PPP6C: variants seen among roughly 807,000 people sequenced by gnomAD.
PPP6C encodes serine/threonine-protein phosphatase 6 catalytic subunit.
Under a neutral mutation model 39.8 loss-of-function variants are expected in PPP6C, and 11 were observed. The observed-to-expected ratio is 0.28, with a 90% CI of 0.17 to 0.46. The LOEUF is 0.46. Among genes scored for constraint, PPP6C ranks in the 20% least tolerant of loss-of-function variants. The probability of loss-of-function intolerance (pLI) is 1.00; values close to 1 mark genes in which losing one functional copy is unlikely to be tolerated. For missense variants in PPP6C, 211 were observed against 373.9 expected (o/e 0.56, Z 3.59); for synonymous variants, 129 against 130.3 (o/e 0.99, Z 0.07).
chr9:125,179,875 C>G (rs1203024896), intron 1 of PPP6C, among the ~76,000 whole-genome samples: 3 of 151,996 alleles, frequency 2.0e-5, no homozygotes, highest in Non-Finnish European at 2.9e-5. Context: ...AGGCTGGTCT[C>G]GAGCTCCTGA....
intron 6 of PPP6C, 119 bp downstream of exon 6, chr9:125,153,414 T>C (rs1397542116): frequency 1.1e-6 from 1 of 912,472 alleles, no homozygotes; most frequent in Non-Finnish European, 1.7e-6. Context: ...AAATTTAATA[T>C]CCACAGCCAC....
intron 2 of PPP6C, among the ~76,000 whole-genome samples, chr9:125,167,039 T>TA (rs1330665422): frequency 6.6e-6 from 1 of 152,048 alleles, no homozygotes; most frequent in African/African-American, 2.4e-5. Flanking sequence ...AGCTAGGACT[T>TA]ACAGACTCAC....
At chr9:125,188,507 C>T in intron 1 of PPP6C, among the ~76,000 whole-genome samples, 1 of 150,314 alleles carries the variant, frequency 6.7e-6, no homozygotes, top group East Asian at 2.0e-4. Context: ...TATACCTAGG[C>T]CGGCGCGGTG....
chr9:125,171,478 CATATATATAT>C (rs59002869), intron 1 of PPP6C, among the ~76,000 whole-genome samples: 1,332 of 83,512 alleles, frequency 0.016, 23 homozygotes, highest in African/African-American at 0.052. Flanking sequence ...CACACACACA[CATATATATAT>C]ATATATATAT....
chr9:125,170,299 C>T (rs573324043), intron 2 of PPP6C, among the ~76,000 whole-genome samples: 5 of 150,680 alleles, frequency 3.3e-5, no homozygotes, highest in East Asian at 3.9e-4. Flanking sequence ...TGCAGTGGTG[C>T]GGTCTCGGCT....
intron 4 of PPP6C, 62 bp from the exon 5 acceptor site, chr9:125,154,047 C>A: frequency 8.0e-7 from 1 of 1,250,374 alleles, no homozygotes; most frequent in Non-Finnish European, 1.2e-6. Flanking sequence ...ACAATATATC[C>A]AATACTAGAG....
intron 2 of PPP6C, among the ~76,000 whole-genome samples, chr9:125,166,212 T>C (rs1356225643): frequency 1.3e-5 from 2 of 152,214 alleles, no homozygotes; most frequent in Non-Finnish European, 2.9e-5. Flanking sequence ...CAAAAAACCA[T>C]ATTTGTTAAT....
At chr9:125,175,572 G>A (rs1049198037) in intron 1 of PPP6C, among the ~76,000 whole-genome samples, 4 of 150,954 alleles carry the variant, frequency 2.6e-5, no homozygotes, top group Admixed American at 6.6e-5. Context: ...GAACCCGGGA[G>A]GCGGAGCTTG....
chr9:125,150,556 A>T, intron 6 of PPP6C: 1 of 545,908 alleles, frequency 1.8e-6, no homozygotes, highest in Non-Finnish European at 3.5e-6. Context: ...CATCGCAAAG[A>T]GATTAGTATT....
intron 6 of PPP6C, chr9:125,151,553 G>T: frequency 2.4e-6 from 2 of 828,736 alleles, no homozygotes; most frequent in South Asian, 1.3e-5. Context: ...TCACAATGAA[G>T]AATCCGTTTC....
In PPP6C at chr9:125,164,218, C is replaced by CTTTT. The variant is rs10684647; in HGVS notation, c.172-3316_172-3313dup. On this transcript the variant is annotated intron_variant, in intron 2 of 6. Transcript: ENST00000373547. ...CTACTCTATGTCTCTCCCTCACTCTCTTTTTTTTTTTTTTTTTTTTTTTTT... is the reference window on the plus strand; with the variant it reads ...CTACTCTATGTCTCTCCCTCACTCTCTTTTTTTTTTTTTTTTTTTTTTTTTTTTT... Among the ~76,000 whole-genome samples the CTTTT allele has an allele frequency of 7.8e-4, 58 of 74,796 alleles. 10 individuals are homozygous for CTTTT. The highest frequency in any genetic ancestry group is 2.6e-3 in the African/African-American group (47 of 18,364). 49.1% of individuals were successfully genotyped at this position (74,796 alleles called of 152,430 possible). A position where few individuals can be genotyped will look rare whatever the true frequency, so the allele number is the denominator to read the frequency against.
chr9:125,185,780 T>C (rs1829516713), intron 1 of PPP6C, among the ~76,000 whole-genome samples: 1 of 151,246 alleles, frequency 6.6e-6, no homozygotes. Flanking sequence ...AGGTGAGGAG[T>C]TCGAGACCAG....
At chr9:125,178,037 T>C (rs1049150188) in intron 1 of PPP6C, among the ~76,000 whole-genome samples, 27 of 152,210 alleles carry the variant, frequency 1.8e-4, no homozygotes, top group African/African-American at 6.0e-4. Context: ...TTACAGTTTG[T>C]TTATCCATCC....
intron 1 of PPP6C, among the ~76,000 whole-genome samples, chr9:125,178,234 T>A (rs1240786759): frequency 6.6e-6 from 1 of 152,220 alleles, no homozygotes; most frequent in East Asian, 1.9e-4. Context: ...CAAACCGTCT[T>A]CCAAAGTGGC....
At chr9:125,170,784 G>A (rs1352580323) in intron 2 of PPP6C, among the ~76,000 whole-genome samples, 1 of 152,154 alleles carries the variant, frequency 6.6e-6, no homozygotes, top group East Asian at 1.9e-4. Context: ...ATTATGAGCA[G>A]TATGTGTTTG....
chr9:125,152,231 TC>T (rs1323065050), intron 6 of PPP6C, among the ~76,000 whole-genome samples: 1 of 152,102 alleles, frequency 6.6e-6, no homozygotes, highest in East Asian at 1.9e-4. Context: ...TTGTACCTAC[TC>T]CTTTGATTTG....
Position 125,178,060 on chromosome 9 carries a change from A to G in PPP6C, c.76-6880T>C, listed in dbSNP as rs145707154. 5.3e-4 allele frequency among the ~76,000 whole-genome samples: 80 copies of G among 152,336 alleles called. 1 individual carries two copies. The East Asian group carries it at 0.015, about 29-fold the overall frequency. On this transcript the variant is annotated intron_variant, in intron 1 of 6. Transcript: ENST00000373547. ...TGTTTATCCATCCACCTAGTGAAGGACATCTTGGTTCCTTCCAAGTTTTGG... is the reference window on the plus strand; with the variant it reads ...TGTTTATCCATCCACCTAGTGAAGGGCATCTTGGTTCCTTCCAAGTTTTGG...
intron 2 of PPP6C, among the ~76,000 whole-genome samples, chr9:125,166,552 T>TA (rs1403487369): frequency 1.3e-5 from 2 of 151,024 alleles, no homozygotes; most frequent in African/African-American, 2.4e-5. Flanking sequence ...TTTTTTTTTT[T>TA]AGCAGAGTCT....
In PPP6C at chr9:125,189,768, G is replaced by T. The variant is rs376625505; in HGVS notation, c.-50C>A. The T allele has an allele frequency of 3.9e-6, 6 of 1,540,172 alleles. No homozygotes were observed. The highest frequency in any genetic ancestry group is 1.4e-5 in the African/African-American group (1 of 69,798). ...CAGCGGCGGCGGCGGCTGTAGCAGC[G>T]GCGGCGGCAGCGGCGGAGGCCGAAG... is the stretch of plus-strand genomic sequence containing the variant. On this transcript the variant is annotated 5_prime_UTR_variant, in exon 1 of 7. Transcript: ENST00000373547.
Sources: allele counts gnomAD v4.1 joint callset (sites outside exome capture counted in the v4.1 genomes callset), GRCh38; gene constraint gnomAD v4.1.1; transcripts MANE v1.5; gene names NCBI Gene and HGNC (gene_info 2026-07-23, HGNC 2026-07-21).